ANKRD11: variants seen among roughly 807,000 people sequenced by gnomAD.
ANKRD11 encodes the protein ankyrin repeat domain 11, also known as ankyrin repeat domain-containing protein 11.
Under a neutral mutation model 195.7 loss-of-function variants are expected in ANKRD11, and 17 were observed. That is an observed-to-expected ratio of 0.09 (90% CI 0.06 to 0.13). The LOEUF (loss-of-function observed/expected upper bound fraction) is 0.13. Among genes scored for constraint, ANKRD11 ranks in the 10% least tolerant of loss-of-function variants. ANKRD11 has a pLI of 1.00. For missense variants in ANKRD11, 3,735 were observed against 3,566.1 expected (o/e 1.05, Z -1.21); for synonymous variants, 1,953 against 1,528.1 (o/e 1.28, Z -6.49).
At chr16:89,468,995 G>T (rs2056977783) in intron 1 of ANKRD11, among the ~76,000 whole-genome samples, 1 of 152,178 alleles carries the variant, frequency 6.6e-6, no homozygotes, top group African/African-American at 2.4e-5. Flanking sequence ...TAGCAAACTT[G>T]TAATAGAAGG....
At chr16:89,375,965 G>A (rs932537271) in intron 2 of ANKRD11, among the ~76,000 whole-genome samples, 3 of 152,166 alleles carry the variant, frequency 2.0e-5, no homozygotes, top group African/African-American at 7.2e-5. Context: ...GCCGCAGCCT[G>A]TGCTCTGCTG....
At chr16:89,457,109 G>A (rs1007664480) in intron 1 of ANKRD11, among the ~76,000 whole-genome samples, 13 of 150,274 alleles carry the variant, frequency 8.7e-5, no homozygotes, top group Admixed American at 2.0e-4. Context: ...ACAGGCGCCC[G>A]CCACTACGCC....
At chr16:89,333,337 G>T (rs1342845753) in intron 2 of ANKRD11, among the ~76,000 whole-genome samples, 1 of 152,210 alleles carries the variant, frequency 6.6e-6, no homozygotes. Context: ...GAGAGTGGCC[G>T]TTTGTTACAG....
At chr16:89,346,460 A>G (rs1278307241) in intron 2 of ANKRD11, among the ~76,000 whole-genome samples, 8 of 152,154 alleles carry the variant, frequency 5.3e-5, no homozygotes, top group African/African-American at 1.7e-4. Flanking sequence ...TAATCACGCA[A>G]TCCATTTTTC....
intron 1 of ANKRD11, among the ~76,000 whole-genome samples, chr16:89,448,220 A>G (rs2043896139): frequency 6.9e-6 from 1 of 145,884 alleles, no homozygotes; most frequent in African/African-American, 2.4e-5. Flanking sequence ...GGGCACAGGA[A>G]TTCAGTAAGA....
intron 1 of ANKRD11, among the ~76,000 whole-genome samples, chr16:89,430,463 T>G (rs1209805852): frequency 6.6e-6 from 1 of 150,470 alleles, no homozygotes; most frequent in African/African-American, 2.5e-5. Flanking sequence ...GTCGTTCTAG[T>G]ACACAGCAGG....
chr16:89,354,818 C>T (rs753553822), intron 2 of ANKRD11, among the ~76,000 whole-genome samples: 1 of 150,942 alleles, frequency 6.6e-6, no homozygotes, highest in Non-Finnish European at 1.5e-5. Context: ...ACCCAGGAGG[C>T]GGAGGTTGCA....
rs1014511320 is a variant in ANKRD11, at chr16:89,291,848, C to G, written c.227-665G>C. 35 of 1,085,510 alleles carry G rather than the reference C, an allele frequency of 3.2e-5. No individual in the cohort carries two copies. The highest frequency in any genetic ancestry group is 1.2e-4 in the Admixed American group (5 of 43,278). 67.2% of individuals were successfully genotyped at this position (1,085,510 alleles called of 1,614,324 possible). On this transcript the variant is annotated intron_variant, in intron 4 of 12. Coordinates refer to ENST00000301030, the MANE Select transcript of ANKRD11 (RefSeq NM_013275.6). This position sits in a 1 kb window ranked among gnomAD's most constrained non-coding sequence, Gnocchi z 5.3. ...TCGGCTGTTTCCACCTCAGCCTCCT[C>G]GTAACAAGCACACCCTGCACTCATC... is the stretch of plus-strand genomic sequence containing the variant.
intron 2 of ANKRD11, among the ~76,000 whole-genome samples, chr16:89,322,098 A>G (rs1414537318): frequency 6.6e-6 from 1 of 152,198 alleles, no homozygotes; most frequent in Non-Finnish European, 1.5e-5. Context: ...GAAGGCTGTT[A>G]GTTAAGTTTG....
intron 2 of ANKRD11, among the ~76,000 whole-genome samples, chr16:89,386,050 G>C (rs1305937860): frequency 1.3e-5 from 2 of 152,318 alleles, no homozygotes; most frequent in Admixed American, 6.5e-5. Flanking sequence ...CGCAAACTGG[G>C]TCCAATTTGT....
At chr16:89,385,764 G>A (rs554219517) in intron 2 of ANKRD11, among the ~76,000 whole-genome samples, 4 of 152,256 alleles carry the variant, frequency 2.6e-5, no homozygotes, top group Non-Finnish European at 4.4e-5. Context: ...GAAGGCTAAC[G>A]TGAGTGGCAG....
At chr16:89,431,989 C>G (rs959346221) in intron 1 of ANKRD11, among the ~76,000 whole-genome samples, 2 of 152,122 alleles carry the variant, frequency 1.3e-5, no homozygotes, top group African/African-American at 4.8e-5. Flanking sequence ...AGCTCCCCCC[C>G]ATCACTGTCA....
chr16:89,453,519 G>C (rs1445779225), intron 1 of ANKRD11, among the ~76,000 whole-genome samples: 1 of 152,194 alleles, frequency 6.6e-6, no homozygotes, highest in Non-Finnish European at 1.5e-5. Flanking sequence ...CGTCCTGCCT[G>C]CTAAGGTGTC....
At chr16:89,274,792 C>T (rs1476865128) in intron 11 of ANKRD11, 22 bp downstream of exon 11, 2 of 1,607,222 alleles carry the variant, frequency 1.2e-6, no homozygotes, top group Non-Finnish European at 1.7e-6. Context: ...ACTCATGGGC[C>T]TGGCATGCAG....
intron 1 of ANKRD11, among the ~76,000 whole-genome samples, chr16:89,447,645 C>G (rs1343230470): frequency 2.6e-5 from 4 of 152,176 alleles, no homozygotes; most frequent in African/African-American, 9.7e-5. Flanking sequence ...CCTACACAGC[C>G]ACCTTTGGCC....
intron 2 of ANKRD11, among the ~76,000 whole-genome samples, chr16:89,399,549 G>C (rs574625508): frequency 6.6e-6 from 1 of 152,130 alleles, no homozygotes; most frequent in Admixed American, 6.5e-5. Context: ...GGGGACCTGG[G>C]GCAGTGAAAC....
At chr16:89,423,990 G>A (rs536127016) in intron 1 of ANKRD11, among the ~76,000 whole-genome samples, 1 of 152,096 alleles carries the variant, frequency 6.6e-6, no homozygotes, top group South Asian at 2.1e-4. Flanking sequence ...GGCGTACAAC[G>A]GGATAATGAA....
In ANKRD11 at chr16:89,282,103, T is replaced by C. The variant is rs761963232; in HGVS notation, c.4439A>G (p.His1480Arg). The change falls in exon 9 of 13, where the codon CAT becomes CGT. Residue 1480 changes from histidine to arginine, a missense_variant. Physicochemically the swap from His to Arg is conservative, Grantham distance 29. Transcript: ENST00000301030. ...GTGATGCCGCAGCAGCCCATCCGCA[T>C]GCCTGTCCCGGTGCCTCTCCTTCTC... ...RDEKERHRDR[H>R]ADGLLRHHRD... The C allele has an allele frequency of 1.2e-6, 2 of 1,614,134 alleles. No homozygotes were observed. Among genetic ancestry groups the C allele is most frequent in the East Asian group, 4.5e-5 (2 of 44,886 alleles).
At chr16:89,444,538 C>T (rs866698247) in intron 1 of ANKRD11, among the ~76,000 whole-genome samples, 3 of 152,210 alleles carry the variant, frequency 2.0e-5, no homozygotes, top group East Asian at 1.9e-4. Context: ...CCCTGGACTT[C>T]GATATCACCT....
Sources: allele counts gnomAD v4.1 joint callset (sites outside exome capture counted in the v4.1 genomes callset), GRCh38; gene constraint gnomAD v4.1.1; non-coding constraint Gnocchi (gnomAD v3.1); transcripts MANE v1.5; gene names NCBI Gene and HGNC (gene_info 2026-07-23, HGNC 2026-07-21).